ST7: variants seen among roughly 807,000 people sequenced by gnomAD.
The protein encoded by ST7 is suppressor of tumorigenicity 7 protein.
Under a neutral mutation model 78.7 loss-of-function variants are expected in ST7, and 28 were observed. That is an observed-to-expected ratio of 0.36 (90% CI 0.26 to 0.49). ST7 has a LOEUF of 0.49. Ranked by LOEUF, ST7 falls within the 20% of genes least tolerant of loss-of-function variation. The pLI, the probability that ST7 is intolerant of heterozygous loss-of-function variation, is 0.99. For missense variants in ST7, 418 were observed against 696.0 expected (o/e 0.60, Z 4.49); for synonymous variants, 247 against 249.6 (o/e 0.99, Z 0.10).
intron 1 of ST7, among the ~76,000 whole-genome samples, chr7:117,043,517 G>A (rs1398991200): frequency 2.0e-5 from 3 of 152,164 alleles, no homozygotes; most frequent in African/African-American, 7.2e-5. Context: ...TTACTTTTGT[G>A]ACAACTGCCT....
intron 1 of ST7, among the ~76,000 whole-genome samples, chr7:116,993,733 G>A (rs1475250106): frequency 6.6e-6 from 1 of 152,238 alleles, no homozygotes; most frequent in Non-Finnish European, 1.5e-5. Context: ...ACCAGAGCTA[G>A]GGGAAATAGA....
intron 9 of ST7, among the ~76,000 whole-genome samples, chr7:117,167,517 GT>G (rs1423157035): frequency 6.6e-6 from 1 of 151,982 alleles, no homozygotes. Context: ...AGTATTAGGT[GT>G]GTTGCCTTTA....
chr7:117,108,514 T>G (rs1420107560), intron 2 of ST7, among the ~76,000 whole-genome samples: 1 of 152,196 alleles, frequency 6.6e-6, no homozygotes, highest in Non-Finnish European at 1.5e-5. Flanking sequence ...TAGTTTGAAG[T>G]CAGGTAATGT....
At chr7:116,991,542 G>A (rs1349950268) in intron 1 of ST7, among the ~76,000 whole-genome samples, 1 of 152,088 alleles carries the variant, frequency 6.6e-6, no homozygotes, top group Non-Finnish European at 1.5e-5. Context: ...AACAATATGG[G>A]TGAAACCGCC....
chr7:117,086,486 G>A (rs979423638), intron 1 of ST7, among the ~76,000 whole-genome samples: 2 of 152,124 alleles, frequency 1.3e-5, no homozygotes, highest in African/African-American at 4.8e-5. Context: ...CTGCATTACA[G>A]ATGAATAGAT....
chr7:117,123,517 T>C (rs1408118095), intron 3 of ST7, among the ~76,000 whole-genome samples: 1 of 152,182 alleles, frequency 6.6e-6, no homozygotes, highest in African/African-American at 2.4e-5. Flanking sequence ...TCAGATTGTT[T>C]GGCTGAAGTT....
chr7:117,096,671 C>T (rs975480316), intron 1 of ST7, among the ~76,000 whole-genome samples: 3 of 152,208 alleles, frequency 2.0e-5, no homozygotes, highest in African/African-American at 7.2e-5. Context: ...ATTAACTTTT[C>T]TAATCTGTGA....
At chr7:117,110,270 C>T (rs1396010714) in intron 2 of ST7, among the ~76,000 whole-genome samples, 1 of 152,168 alleles carries the variant, frequency 6.6e-6, no homozygotes, top group Non-Finnish European at 1.5e-5. Flanking sequence ...CAATTTCATA[C>T]TGAAACCAGT....
At chr7:116,959,381 G>C (rs1157927916) in intron 1 of ST7, 1 of 380,316 alleles carries the variant, frequency 2.6e-6, no homozygotes, top group East Asian at 7.7e-5. Flanking sequence ...GTGGGTCAGT[G>C]TTTGTGTATA....
chr7:116,991,642 A>G (rs565527617), intron 1 of ST7, among the ~76,000 whole-genome samples: 47 of 152,304 alleles, frequency 3.1e-4, no homozygotes, highest in Non-Finnish European at 5.1e-4. Context: ...GGGTGGGGAC[A>G]CAGAGCCAAA....
chr7:117,183,319 G>T (rs1009441194), intron 10 of ST7, among the ~76,000 whole-genome samples: 2 of 151,850 alleles, frequency 1.3e-5, no homozygotes, highest in African/African-American at 4.8e-5. Flanking sequence ...CCAGCTACTT[G>T]GGAGGCTGAG....
intron 1 of ST7, among the ~76,000 whole-genome samples, chr7:117,041,185 G>A (rs1563035125): frequency 1.3e-5 from 2 of 152,184 alleles, no homozygotes; most frequent in Admixed American, 6.5e-5. Context: ...GTTTCGAGAT[G>A]TGTCATCTGG....
At chr7:117,189,551 G>A in intron 11 of ST7, among the ~76,000 whole-genome samples, 158 bp downstream of exon 11, 1 of 152,174 alleles carries the variant, frequency 6.6e-6, no homozygotes, top group Non-Finnish European at 1.5e-5. Context: ...ACTATTGGAA[G>A]GAGGGAATGT....
In ST7 at chr7:117,056,437, A is replaced by C. The variant is rs188903860; in HGVS notation, c.152-43325A>C. 1.8e-3 allele frequency among the ~76,000 whole-genome samples: 281 copies of C among 152,256 alleles called. 3 individuals are homozygous for C. The East Asian group carries it at 0.032, about 18-fold the overall frequency. ...CACCTGAGGTTGGGAGTTTGAGACC[A>C]GCCTGACCAACATGGAGAAACCCCA... is the stretch of plus-strand genomic sequence containing the variant. On this transcript the variant is annotated intron_variant, in intron 1 of 15. Transcript: ENST00000323984.
intron 1 of ST7, among the ~76,000 whole-genome samples, chr7:117,019,180 A>G (rs1442340339): frequency 6.6e-6 from 1 of 152,226 alleles, no homozygotes; most frequent in Non-Finnish European, 1.5e-5. Context: ...GACTTGAACT[A>G]TTGAACTTTC....
At chr7:116,980,817 A>T (rs966012364) in intron 1 of ST7, among the ~76,000 whole-genome samples, 1 of 152,206 alleles carries the variant, frequency 6.6e-6, no homozygotes, top group Non-Finnish European at 1.5e-5. Context: ...ACCACAGTAT[A>T]CTCATCAAAA....
intron 1 of ST7, among the ~76,000 whole-genome samples, chr7:117,003,921 T>G (rs1010957215): frequency 6.6e-6 from 1 of 152,222 alleles, no homozygotes; most frequent in Non-Finnish European, 1.5e-5. Context: ...CAGAGTTCTC[T>G]CCTTCATTTT....
intron 2 of ST7, among the ~76,000 whole-genome samples, chr7:117,105,009 C>T (rs553173164): frequency 6.8e-4 from 103 of 151,808 alleles, no homozygotes; most frequent in Non-Finnish European, 1.2e-3. Flanking sequence ...AGTTGTGGGA[C>T]GGGGAAAAGA....
chr7:117,207,962 G>A (rs982665852), intron 12 of ST7, among the ~76,000 whole-genome samples: 16 of 151,768 alleles, frequency 1.1e-4, no homozygotes, highest in Non-Finnish European at 1.9e-4. Context: ...CGTAGCCTCG[G>A]GGTCCTTTAA....
Sources: gnomAD v4.1 joint callset for allele counts (sites outside exome capture counted in the v4.1 genomes callset) on GRCh38, gnomAD v4.1.1 for gene constraint, MANE v1.5 for transcripts, NCBI Gene and HGNC (gene_info 2026-07-23, HGNC 2026-07-21) for gene names.